Variants in PRDM8 observed in about 807,000 individuals in gnomAD.
PRDM8 encodes PR domain zinc finger protein 8.
PRDM8 carries 13 observed loss-of-function variants against 46.5 expected under a neutral mutation model. That is an observed-to-expected ratio of 0.28 (90% CI 0.18 to 0.44). PRDM8 has a LOEUF of 0.44. Ranked by LOEUF, PRDM8 falls within the 20% of genes least tolerant of loss-of-function variation. The probability of loss-of-function intolerance (pLI) is 1.00; values close to 1 mark genes in which losing one functional copy is unlikely to be tolerated. For synonymous variants in PRDM8, 473 were observed against 438.4 expected (o/e 1.08, Z -0.98); for missense variants, 998 against 955.0 (o/e 1.04, Z -0.59).
Position 80,201,492 on chromosome 4 carries a change from G to C in PRDM8, c.422G>C (p.Cys141Ser). ...GAACTGACTGAGTTACTCTTGCTCTGCCCCTCTAGATCCCACAACAAAATG... is the reference window on the plus strand; with the variant it reads ...GAACTGACTGAGTTACTCTTGCTCTCCCCCTCTAGATCCCACAACAAAATG... ...GKELTELLLL[C>S]PSRSHNKMNG... Residue 141 changes from cysteine to serine, a missense_variant, in exon 3 of 4, where the codon TGC becomes TCC. Cys to Ser is a moderately radical substitution (Grantham distance 112). Coordinates refer to ENST00000415738, the MANE Select transcript of PRDM8 (RefSeq NM_001099403.2). The C allele has an allele frequency of 6.2e-7, 1 of 1,614,070 alleles. No homozygotes were observed. The highest frequency in any genetic ancestry group is 8.5e-7 in the Non-Finnish European group (1 of 1,179,936).
At chr4:80,185,391 G>A (rs1005054348) in exon 1 of PRDM8, 1 of 152,270 alleles carries the variant, frequency 6.6e-6, no homozygotes, top group African/African-American at 2.4e-5. Flanking sequence ...TGCAAGGACA[G>A]AAGGGAAACT....
At position 80,197,734 on chromosome 4, in the gene PRDM8, T is replaced by C. The variant is rs910947912; in HGVS notation, c.-32T>C. The C allele has an allele frequency of 1.0e-6, 1 of 984,726 alleles. No homozygotes were observed. Among genetic ancestry groups the C allele is most frequent in the Non-Finnish European group, 1.2e-6 (1 of 828,940 alleles). 61.0% of individuals were successfully genotyped at this position (984,726 alleles called of 1,614,324 possible). A position where few individuals can be genotyped will look rare whatever the true frequency, so the allele number is the denominator to read the frequency against. On this transcript the variant is annotated 5_prime_UTR_variant, in exon 1 of 4. Transcript: ENST00000415738. ...TCTTCCCGGTTCCAGGTGGCCTTAT[T>C]TGGGAGATTCTATACTGACCTTATT...
chr4:80,196,853 T>A, upstream of PRDM8: 3 of 949,340 alleles, frequency 3.2e-6, no homozygotes, highest in South Asian at 9.7e-5. Context: ...GGAGGTACCG[T>A]TATGTCCCCT....
In PRDM8 at chr4:80,201,313, T is replaced by C. The variant is rs2109876959; in HGVS notation, c.243T>C (p.Gly81=). The C allele has an allele frequency of 6.2e-7, 1 of 1,614,226 alleles. No homozygotes were observed. Among genetic ancestry groups the C allele is most frequent in the African/African-American group, 1.3e-5 (1 of 75,040 alleles). ...AGGTAGACACCTCAGCAGCAAATGG[T>C]TCCTCAGAAGGTCTCATGTGGCTGC... is the stretch of plus-strand genomic sequence containing the variant. ...IFRVDTSAAN[G]SSEGLMWLRL... is the part of the protein sequence containing the mutation. The change falls in exon 3 of 4, where the codon GGT becomes GGC. Residue 81 remains glycine (G), a synonymous_variant. Coordinates refer to ENST00000415738, the MANE Select transcript of PRDM8 (RefSeq NM_001099403.2).
At chr4:80,194,834 T>A (rs1156960682), upstream of PRDM8, among the ~76,000 whole-genome samples, 2 of 152,236 alleles carry the variant, frequency 1.3e-5, no homozygotes, top group African/African-American at 4.8e-5. Flanking sequence ...CCTTCTCAGA[T>A]GTATAAAATT....
At chr4:80,196,481 G>A (rs1737969016), upstream of PRDM8, 7 of 985,460 alleles carry the variant, frequency 7.1e-6, no homozygotes, top group Non-Finnish European at 8.4e-6. Context: ...CTGCACTAAA[G>A]GGGCAAGTCA....
chr4:80,200,343 C>G, intron 2 of PRDM8, 44 bp downstream of exon 2: 1 of 1,516,434 alleles, frequency 6.6e-7, no homozygotes, highest in African/African-American at 1.4e-5. Context: ...GGGTAATGTC[C>G]TGTTGGAAAT....
intron 1 of PRDM8, among the ~76,000 whole-genome samples, chr4:80,198,720 T>C (rs1738159608): frequency 6.6e-6 from 1 of 152,174 alleles, no homozygotes; most frequent in Admixed American, 6.5e-5. Context: ...TAATCACACG[T>C]GTAAGGTTAA....
Position 80,187,247 on chromosome 4 carries a change from G to GTT in PRDM8, c.-983+1729_-983+1730insTT, listed in dbSNP as rs1553903061. ...GCTGTATCAGCATTCTCTGCCCTGG[G>GTT]GCGGGGGGAAGCAGAAGAATATCAT... is the stretch of plus-strand genomic sequence containing the variant. On this transcript the variant is annotated intron_variant, in intron 1 of 9. Transcript: ENST00000339711. 1.7e-5 allele frequency among the ~76,000 whole-genome samples: 2 copies of GTT among 119,788 alleles called. 1 individual carries two copies. The highest frequency in any genetic ancestry group is 6.5e-5 in the African/African-American group (2 of 30,666). The allele number at this position is 119,788 out of a possible 152,430, so 78.6% of individuals were successfully genotyped here.
At chr4:80,190,794 A>C (rs1174567852) in intron 1 of PRDM8, among the ~76,000 whole-genome samples, 1 of 152,158 alleles carries the variant, frequency 6.6e-6, no homozygotes, top group Non-Finnish European at 1.5e-5. Context: ...CTTGAGGAGG[A>C]GCAGCTAATT....
chr4:80,197,328 G>T (rs749938371), upstream of PRDM8: 2 of 965,362 alleles, frequency 2.1e-6, no homozygotes, highest in African/African-American at 1.8e-5. Flanking sequence ...GCCACCCGGG[G>T]TAGGCGCTCA....
Position 80,203,753 on chromosome 4 carries a change from C to T in PRDM8, c.*221C>T. ...CGGGACACACACCCCCCCCCACACA[C>T]ACACACAGACACACTCACACACAAG... On this transcript the variant is annotated 3_prime_UTR_variant, in exon 4 of 4. Coordinates refer to ENST00000415738, the MANE Select transcript of PRDM8 (RefSeq NM_001099403.2). 2.0e-6 allele frequency: 1 copy of T among 498,940 alleles called. No individual in the cohort carries two copies. 30.9% of individuals were successfully genotyped at this position (498,940 alleles called of 1,614,324 possible). A position where few individuals can be genotyped will look rare whatever the true frequency, so the allele number is the denominator to read the frequency against.
At chr4:80,196,631 C>A (rs143826249), upstream of PRDM8, 5 of 983,742 alleles carry the variant, frequency 5.1e-6, no homozygotes, top group African/African-American at 1.7e-5. Flanking sequence ...ATCACCCTTG[C>A]CCCCCAACCC....
rs768536715 is a variant in PRDM8 at position 80,203,468 on chromosome 4, C to T, written c.2006C>T (p.Pro669Leu). Residue 669 changes from proline (P) to leucine (L), a missense_variant, in exon 4 of 4, where the codon CCC (proline) becomes CTC (leucine). By Grantham distance (98) the Pro-to-Leu change is moderately conservative. Transcript: ENST00000415738. The part of the protein sequence containing the change: ...KRRREEKLKC[P>L]ICNESFRERH... ...CGGCGAGAGGAGAAACTCAAGTGCC[C>T]CATCTGCAATGAGTCCTTCAGGGAG... 6.2e-7 allele frequency: 1 copy of T among 1,613,416 alleles called. No homozygotes were observed. Among genetic ancestry groups the T allele is most frequent in the Non-Finnish European group, 8.5e-7 (1 of 1,179,806 alleles).
At chr4:80,200,793 T>C (rs1309614374) in intron 2 of PRDM8, among the ~76,000 whole-genome samples, 1 of 152,246 alleles carries the variant, frequency 6.6e-6, no homozygotes. Context: ...ATCAAATCCA[T>C]ATGTCTGAAT....
In PRDM8 at chr4:80,202,758, C is replaced by T. The variant is rs1339524007; in HGVS notation, c.1296C>T (p.Gly432=). The change falls in exon 4 of 4, where the codon GGC becomes GGT. Residue 432 remains glycine, a synonymous_variant. Transcript: ENST00000415738. Reference sequence around the variant, plus strand: ...CGCCCGCGGCCGCGTCACCGGTGGGCGCCGAGAAGCTGCTGGCCCCGCGGC... The same window carrying T: ...CGCCCGCGGCCGCGTCACCGGTGGGTGCCGAGAAGCTGCTGGCCCCGCGGC... The part of the protein sequence containing the change: ...SSTPAAASPV[G]AEKLLAPRPG... 21 of 1,275,844 alleles carry T rather than the reference C, an allele frequency of 1.6e-5. No individual in the cohort carries two copies. The highest frequency in any genetic ancestry group is 3.1e-5 in the African/African-American group (2 of 64,276). 79.0% of individuals were successfully genotyped at this position (1,275,844 alleles called of 1,614,324 possible).
In PRDM8 at chr4:80,203,032, G is replaced by A; in HGVS notation, c.1570G>A (p.Glu524Lys). 6.5e-7 allele frequency: 1 copy of A among 1,540,498 alleles called. No homozygotes were observed. Among genetic ancestry groups the A allele is most frequent in the Non-Finnish European group, 8.7e-7 (1 of 1,152,866 alleles). ...LVLGQKLGALEPCHPADGVGP... is the reference protein window; with the variant it reads ...LVLGQKLGALKPCHPADGVGP... ...GCTGGGCCAGAAGCTGGGCGCGCTC[G>A]AGCCATGCCACCCCGCCGACGGCGT... The change falls in exon 4 of 4, where the codon GAG (glutamate) becomes AAG (lysine). Residue 524 changes from glutamate to lysine, a missense_variant. Transcript: ENST00000415738.
At chr4:80,188,624 C>T (rs541218435) in intron 1 of PRDM8, among the ~76,000 whole-genome samples, 33 of 152,236 alleles carry the variant, frequency 2.2e-4, no homozygotes, top group Non-Finnish European at 4.1e-4. Context: ...AACCTCTTAA[C>T]CACTGCCTCT....
In PRDM8 at chr4:80,202,373, G is replaced by T; in HGVS notation, c.911G>T (p.Gly304Val). 6.3e-7 allele frequency: 1 copy of T among 1,590,062 alleles called. No homozygotes were observed. Among genetic ancestry groups the T allele is most frequent in the Non-Finnish European group, 8.6e-7 (1 of 1,168,220 alleles). ...GHQEAELSPDGIATGGGKGKR... is the reference protein window; with the variant it reads ...GHQEAELSPDVIATGGGKGKR... Reference sequence around the variant, plus strand: ...CAGGAGGCGGAGCTGAGTCCCGACGGCATCGCCACGGGCGGCGGCAAAGGA... The same window carrying T: ...CAGGAGGCGGAGCTGAGTCCCGACGTCATCGCCACGGGCGGCGGCAAAGGA... The change falls in exon 4 of 4, where the codon GGC becomes GTC. Residue 304 changes from glycine (G) to valine (V), a missense_variant. Transcript: ENST00000415738.
Sources: allele counts gnomAD v4.1 joint callset (sites outside exome capture counted in the v4.1 genomes callset), GRCh38; gene constraint gnomAD v4.1.1; transcripts MANE v1.5; gene names NCBI Gene and HGNC (gene_info 2026-07-23, HGNC 2026-07-21).